Variants in B3GALT1 observed in about 807,000 individuals in gnomAD.
B3GALT1 encodes UDP-Gal:betaGlcNAc beta 1,3-galactosyltransferase, polypeptide 1.
Under a neutral mutation model 23.2 loss-of-function variants are expected in B3GALT1, and 10 were observed. The ratio of observed to expected loss-of-function variants is 0.43; its 90% CI spans 0.27 to 0.73. B3GALT1 has a LOEUF of 0.73. Ranked by LOEUF, B3GALT1 falls within the 30% of genes least tolerant of loss-of-function variation. The probability of loss-of-function intolerance (pLI) is 0.21; values close to 1 mark genes in which losing one functional copy is unlikely to be tolerated. For missense variants in B3GALT1, 299 were observed against 405.4 expected, an observed-to-expected ratio of 0.74 and a Z score of 2.25; for synonymous variants, 156 against 141.5, an observed-to-expected ratio of 1.10 and a Z score of -0.73.
At chr2:167,573,354 A>G (rs1684330355) in intron 2 of B3GALT1, among the ~76,000 whole-genome samples, 1 of 151,800 alleles carries the variant, frequency 6.6e-6, no homozygotes, top group Non-Finnish European at 1.5e-5. Context: ...TTAGAAGATT[A>G]TTGAATTCTG....
chr2:167,435,916 C>G (rs976353333), intron 1 of B3GALT1, among the ~76,000 whole-genome samples: 2 of 151,214 alleles, frequency 1.3e-5, no homozygotes, highest in African/African-American at 4.9e-5. Context: ...CTATCTTGAT[C>G]TCTGCTTTTC....
At chr2:167,361,600 A>G (rs1024786282) in intron 1 of B3GALT1, among the ~76,000 whole-genome samples, 1 of 152,210 alleles carries the variant, frequency 6.6e-6, no homozygotes, top group African/African-American at 2.4e-5. Context: ...AAAAGGACAA[A>G]TAGAAAAAAA....
intron 3 of B3GALT1, among the ~76,000 whole-genome samples, chr2:167,712,759 T>C (rs565287822): frequency 3.3e-5 from 5 of 152,224 alleles, no homozygotes; most frequent in South Asian, 4.2e-4. Flanking sequence ...CTTTGAGCCA[T>C]TGAAATTACC....
chr2:167,636,827 G>A (rs1685564874), intron 2 of B3GALT1, among the ~76,000 whole-genome samples: 2 of 152,002 alleles, frequency 1.3e-5, no homozygotes, highest in East Asian at 3.9e-4. Context: ...ACACACTGGG[G>A]CCTGTCAGTG....
At chr2:167,322,404 G>A (rs1022071983) in intron 1 of B3GALT1, among the ~76,000 whole-genome samples, 1 of 151,508 alleles carries the variant, frequency 6.6e-6, no homozygotes, top group Non-Finnish European at 1.5e-5. Context: ...TTGAAGTATA[G>A]TTTGTAACAT....
intron 1 of B3GALT1, among the ~76,000 whole-genome samples, chr2:167,436,956 A>G (rs1574077919): frequency 6.6e-6 from 1 of 152,176 alleles, no homozygotes; most frequent in African/African-American, 2.4e-5. Context: ...TATGTTTCCC[A>G]AGGTGAAAAA....
At chr2:167,592,659 G>GA (rs534717983) in intron 2 of B3GALT1, among the ~76,000 whole-genome samples, 1 of 152,120 alleles carries the variant, frequency 6.6e-6, no homozygotes, top group Admixed American at 6.5e-5. Flanking sequence ...CTGTGTCACA[G>GA]AAAAAGGCTC....
At chr2:167,800,852 G>C (rs930298169) in intron 3 of B3GALT1, among the ~76,000 whole-genome samples, 1 of 152,130 alleles carries the variant, frequency 6.6e-6, no homozygotes, top group Non-Finnish European at 1.5e-5. Context: ...TCACGTCTTC[G>C]CCTAGAAGTC....
chr2:167,393,103 G>T (rs1172833921), intron 1 of B3GALT1, among the ~76,000 whole-genome samples: 1 of 152,118 alleles, frequency 6.6e-6, no homozygotes, highest in Non-Finnish European at 1.5e-5. Flanking sequence ...ACGTGGTGGT[G>T]GGTGCCTGTA....
At chr2:167,680,077 T>A (rs1020326141) in intron 3 of B3GALT1, among the ~76,000 whole-genome samples, 6 of 152,250 alleles carry the variant, frequency 3.9e-5, no homozygotes, top group Non-Finnish European at 5.9e-5. Flanking sequence ...ACTTACAGCC[T>A]GGCATTTTCT....
At chr2:167,342,827 G>C (rs1452341778) in intron 1 of B3GALT1, among the ~76,000 whole-genome samples, 1 of 152,008 alleles carries the variant, frequency 6.6e-6, no homozygotes. Flanking sequence ...TTTTTCTGTG[G>C]CCATTATCAC....
chr2:167,854,757 G>A (rs1689967039), intron 4 of B3GALT1, among the ~76,000 whole-genome samples: 1 of 152,192 alleles, frequency 6.6e-6, no homozygotes, highest in Admixed American at 6.5e-5. Context: ...AAGCTAAGGG[G>A]GAATTGGAAC....
In B3GALT1 at chr2:167,869,571, A is replaced by G; in HGVS notation, c.532A>G (p.Ser178Gly). The G allele has an allele frequency of 6.2e-7, 1 of 1,614,184 alleles. No homozygotes were observed. The highest frequency in any genetic ancestry group is 8.5e-7 in the Non-Finnish European group (1 of 1,180,032). Residue 178 changes from serine (S) to glycine (G), a missense_variant, in exon 5 of 5, where the codon AGC becomes GGC. Ser to Gly is a moderately conservative substitution (Grantham distance 56). Transcript: ENST00000392690. The surrounding 1 kb of genome is among the most constrained non-coding windows in gnomAD (Gnocchi z 6.4). ...SKAKYVMKTD[S>G]DIFVNMDNLI... ...AGCCAAGTATGTCATGAAAACAGAC[A>G]GCGACATTTTTGTAAACATGGACAA...
At chr2:167,546,801 C>T (rs950602068) in intron 2 of B3GALT1, among the ~76,000 whole-genome samples, 14 of 152,156 alleles carry the variant, frequency 9.2e-5, no homozygotes, top group Admixed American at 9.2e-4. Flanking sequence ...CCCTGTGGTG[C>T]AGTCAAACAT....
intron 1 of B3GALT1, among the ~76,000 whole-genome samples, chr2:167,378,391 C>T (rs1014124861): frequency 1.6e-4 from 25 of 152,154 alleles, no homozygotes; most frequent in South Asian, 8.3e-4. Flanking sequence ...GGGAAGTTTC[C>T]TTAAATTACT....
chr2:167,745,416 C>T (rs576870686), intron 3 of B3GALT1, among the ~76,000 whole-genome samples: 21 of 152,212 alleles, frequency 1.4e-4, no homozygotes, highest in Non-Finnish European at 2.4e-4. Flanking sequence ...GCCTTTCATA[C>T]TATTCTTTTG....
intron 4 of B3GALT1, among the ~76,000 whole-genome samples, chr2:167,829,561 C>A (rs140051999): frequency 5.9e-4 from 90 of 152,036 alleles, no homozygotes; most frequent in Non-Finnish European, 1.1e-3. Context: ...TGGAGCAGGA[C>A]AGAAAGGGGA....
chr2:167,860,658 G>C (rs1481212347), intron 4 of B3GALT1, among the ~76,000 whole-genome samples: 1 of 152,130 alleles, frequency 6.6e-6, no homozygotes, highest in East Asian at 1.9e-4. Flanking sequence ...TTTGCAGTGA[G>C]ACAGGAGAAT....
In B3GALT1 at chr2:167,566,346, T is replaced by C. The variant is rs553905511; in HGVS notation, c.-410+76069T>C. 9.3e-5 allele frequency among the ~76,000 whole-genome samples: 14 copies of C among 150,720 alleles called. No individual in the cohort carries two copies. In the South Asian group the frequency reaches 1.5e-3, roughly 16 times the overall value. ...AAGGGGAACATCACACTCTGGGGAC[T>C]GTTTTGGGGTGGGGGGAGAGGGGAG... On this transcript the variant is annotated intron_variant, in intron 2 of 4. Coordinates refer to ENST00000392690, the MANE Select transcript of B3GALT1 (RefSeq NM_020981.4).
Sources: allele counts gnomAD v4.1 joint callset (sites outside exome capture counted in the v4.1 genomes callset), GRCh38; gene constraint gnomAD v4.1.1; non-coding constraint Gnocchi (gnomAD v3.1); transcripts MANE v1.5; gene names NCBI Gene and HGNC (gene_info 2026-07-23, HGNC 2026-07-21).